Variants in JMJD1C observed in about 807,000 individuals in gnomAD.
The protein encoded by JMJD1C is jumonji domain containing 1C.
In JMJD1C, 31 loss-of-function variants were observed where a neutral mutation model predicts 245.3. That is an observed-to-expected ratio of 0.13 (90% CI 0.09 to 0.17). JMJD1C has a LOEUF of 0.17. Ranked by LOEUF, JMJD1C falls within the 10% of genes least tolerant of loss-of-function variation. JMJD1C has a pLI of 1.00. For missense variants in JMJD1C, 2,691 were observed against 3,000.2 expected (o/e 0.90, Z 2.41); for synonymous variants, 1,057 against 1,017.4 (o/e 1.04, Z -0.74).
intron 10 of JMJD1C, chr10:63,205,037 A>G (rs1846435046): frequency 1.0e-6 from 1 of 985,106 alleles, no homozygotes; most frequent in Admixed American, 6.1e-5. Flanking sequence ...ACATACCTAA[A>G]AAGAAATAAG....
At chr10:63,371,363 T>C (rs1283073859) in intron 2 of JMJD1C, among the ~76,000 whole-genome samples, 1 of 152,202 alleles carries the variant, frequency 6.6e-6, no homozygotes, top group African/African-American at 2.4e-5. Flanking sequence ...TTTCCTAAAG[T>C]ATGTACAATT....
intron 1 of JMJD1C, among the ~76,000 whole-genome samples, chr10:63,420,001 T>C (rs933225068): frequency 6.6e-6 from 1 of 151,860 alleles, no homozygotes; most frequent in African/African-American, 2.4e-5. Flanking sequence ...CCGGGCATGA[T>C]GGCGCGCGCC....
intron 1 of JMJD1C, among the ~76,000 whole-genome samples, chr10:63,448,915 G>C (rs966163677): frequency 1.3e-5 from 2 of 152,020 alleles, no homozygotes; most frequent in African/African-American, 4.8e-5. Flanking sequence ...TCAGGAGTTC[G>C]AGCCCAGCCT....
rs1841985244 is a variant in JMJD1C at position 63,167,818 on chromosome 10, A to T, written c.*227T>A. The T allele has an allele frequency of 2.3e-6, 1 of 435,784 alleles. No homozygotes were observed. The highest frequency in any genetic ancestry group is 5.2e-5 in the South Asian group (1 of 19,368). 27.0% of individuals were successfully genotyped at this position (435,784 alleles called of 1,614,324 possible). On this transcript the variant is annotated 3_prime_UTR_variant, in exon 26 of 26. Transcript: ENST00000399262. Reference sequence around the variant, plus strand: ...AACATCATATACACTATAATACAAAACAGCTATATAGTGCTGCTTTTAAAA... The same window carrying T: ...AACATCATATACACTATAATACAAATCAGCTATATAGTGCTGCTTTTAAAA...
chr10:63,290,882 AT>A (rs1312092006), intron 2 of JMJD1C, among the ~76,000 whole-genome samples: 1 of 152,164 alleles, frequency 6.6e-6, no homozygotes, highest in African/African-American at 2.4e-5. Context: ...TGAAATCTTT[AT>A]TTTTTTAAGA....
chr10:63,291,432 T>C (rs996116646), intron 2 of JMJD1C, among the ~76,000 whole-genome samples: 2 of 148,786 alleles, frequency 1.3e-5, no homozygotes, highest in Admixed American at 1.4e-4. Flanking sequence ...CTGGCCAACA[T>C]GTAAAACCCC....
Position 63,415,466 on chromosome 10 carries a change from C to A in JMJD1C, c.169-34984G>T, listed in dbSNP as rs191834947. Among the ~76,000 whole-genome samples the A allele has an allele frequency of 5.9e-5, 9 of 152,166 alleles. No individual in the cohort carries two copies. The East Asian group carries it at 1.4e-3, about 23-fold the overall frequency. On this transcript the variant is annotated intron_variant, in intron 1 of 25. Transcript: ENST00000399262. ...CTTGTAATATAACTGGTATTACAAACCATTAGTTCAATTCATGTGGATTCA... is the reference window on the plus strand; with the variant it reads ...CTTGTAATATAACTGGTATTACAAAACATTAGTTCAATTCATGTGGATTCA...
intron 3 of JMJD1C, 74 bp from the exon 4 acceptor site, chr10:63,220,057 A>G: frequency 9.1e-7 from 1 of 1,096,326 alleles, no homozygotes; most frequent in South Asian, 1.4e-5. Context: ...TCCCTCCTAT[A>G]CGTTCTAAGG....
intron 1 of JMJD1C, among the ~76,000 whole-genome samples, chr10:63,456,435 TTC>T (rs1290592080): frequency 1.3e-5 from 2 of 152,158 alleles, no homozygotes; most frequent in African/African-American, 2.4e-5. Context: ...AGGAAATAAA[TTC>T]TGTTAAATAT....
intron 2 of JMJD1C, among the ~76,000 whole-genome samples, chr10:63,334,656 G>C (rs1010861017): frequency 3.3e-5 from 5 of 151,996 alleles, no homozygotes; most frequent in African/African-American, 1.2e-4. Context: ...AAGAGGTGGA[G>C]GTTGCAGCGA....
At position 63,474,043 on chromosome 10, in the gene JMJD1C, C is replaced by CA. The variant is rs577773141; in HGVS notation, n.113+47694dup. On this transcript the variant is annotated intron_variant and non_coding_transcript_variant, in intron 1 of 3. Transcript: ENST00000633035. The stretch of plus-strand genomic sequence containing the variant: ...AGGTGACAAGAGTGAAACTCTGTCT[C>CA]AAAAAAAAGAAAAGAAAAAAAGAAA... Among the ~76,000 whole-genome samples, 16 of 144,440 alleles carry CA rather than the reference C, an allele frequency of 1.1e-4. No individual in the cohort carries two copies. The South Asian group carries it at 2.8e-3, about 26-fold the overall frequency. 94.8% of individuals were successfully genotyped at this position (144,440 alleles called of 152,430 possible). A position where few individuals can be genotyped will look rare whatever the true frequency, so the allele number is the denominator to read the frequency against.
At chr10:63,392,898 A>G (rs1188240461) in intron 1 of JMJD1C, among the ~76,000 whole-genome samples, 1 of 150,660 alleles carries the variant, frequency 6.6e-6, no homozygotes, top group East Asian at 1.9e-4. Context: ...ACACACACAC[A>G]CACACACACA....
intron 1 of JMJD1C, among the ~76,000 whole-genome samples, chr10:63,418,848 G>C (rs1004706634): frequency 6.6e-6 from 1 of 152,166 alleles, no homozygotes; most frequent in Non-Finnish European, 1.5e-5. Context: ...GGGAGGCCGA[G>C]GCAGGGGATC....
chr10:63,262,330 G>C (rs1854881673), intron 3 of JMJD1C, among the ~76,000 whole-genome samples: 1 of 151,808 alleles, frequency 6.6e-6, no homozygotes, highest in Admixed American at 6.6e-5. Context: ...TATTTCATAA[G>C]ATTTATTTAA....
At chr10:63,270,242 C>A (rs1000611608) in intron 2 of JMJD1C, among the ~76,000 whole-genome samples, 1 of 152,124 alleles carries the variant, frequency 6.6e-6, no homozygotes, top group African/African-American at 2.4e-5. Flanking sequence ...TCTCAACTCA[C>A]TGCAACCTCT....
At chr10:63,478,597 C>T (rs1002648838) in intron 1 of JMJD1C, among the ~76,000 whole-genome samples, 2 of 152,120 alleles carry the variant, frequency 1.3e-5, no homozygotes, top group South Asian at 4.1e-4. Context: ...ACATTAAAAT[C>T]AGCAAAGGGA....
intron 1 of JMJD1C, among the ~76,000 whole-genome samples, chr10:63,509,366 G>T (rs1409466660): frequency 6.6e-6 from 1 of 152,212 alleles, no homozygotes; most frequent in Non-Finnish European, 1.5e-5. Context: ...TGTAAGAGAT[G>T]TTAGTATGTA....
chr10:63,399,233 T>C (rs1948702779), intron 1 of JMJD1C, among the ~76,000 whole-genome samples: 1 of 152,206 alleles, frequency 6.6e-6, no homozygotes. Flanking sequence ...CTAAGTCTTT[T>C]AGATACAACC....
chr10:63,295,026 T>A (rs368524037), intron 2 of JMJD1C, among the ~76,000 whole-genome samples: 2 of 151,610 alleles, frequency 1.3e-5, no homozygotes, highest in African/African-American at 2.4e-5. Context: ...TCATCAAATT[T>A]AAAAAACAGC....
Sources: gnomAD v4.1 joint callset for allele counts (sites outside exome capture counted in the v4.1 genomes callset) on GRCh38, gnomAD v4.1.1 for gene constraint, MANE v1.5 for transcripts, NCBI Gene and HGNC (gene_info 2026-07-23, HGNC 2026-07-21) for gene names.